Variants in ALCAM observed in about 807,000 individuals in gnomAD.
ALCAM encodes CD166 antigen.
In ALCAM, 30 loss-of-function variants were observed where a neutral mutation model predicts 70.9. The observed-to-expected ratio is 0.42, with a 90% CI of 0.32 to 0.57. The LOEUF is 0.57. Ranked by LOEUF, ALCAM falls within the 20% of genes least tolerant of loss-of-function variation. The pLI is 0.11. For missense variants in ALCAM, 591 were observed against 695.1 expected (o/e 0.85, Z 1.68); for synonymous variants, 249 against 242.5 (o/e 1.03, Z -0.25).
chr3:105,418,196 T>A (rs1936555166), intron 1 of ALCAM, among the ~76,000 whole-genome samples: 2 of 151,836 alleles, frequency 1.3e-5, no homozygotes, highest in Admixed American at 1.3e-4. Flanking sequence ...TTTTAAAATG[T>A]CTCTTACTTG....
At chr3:105,451,094 T>G (rs1470618420) in intron 1 of ALCAM, among the ~76,000 whole-genome samples, 1 of 127,862 alleles carries the variant, frequency 7.8e-6, no homozygotes, top group Non-Finnish European at 1.7e-5. Context: ...AAGAAGTAAG[T>G]AAACAAAATA....
chr3:105,401,645 T>C (rs1051873451), intron 1 of ALCAM, among the ~76,000 whole-genome samples: 1 of 152,196 alleles, frequency 6.6e-6, no homozygotes, highest in Non-Finnish European at 1.5e-5. Context: ...TTGTTTTAAA[T>C]CATTCTGACT....
chr3:105,480,604 G>A (rs986622459), intron 1 of ALCAM, among the ~76,000 whole-genome samples: 1 of 152,164 alleles, frequency 6.6e-6, no homozygotes, highest in Admixed American at 6.5e-5. Context: ...CACCATGGCA[G>A]TCATCTGGAA....
At chr3:105,534,407 A>G (rs1939918157) in intron 5 of ALCAM, among the ~76,000 whole-genome samples, 1 of 152,188 alleles carries the variant, frequency 6.6e-6, no homozygotes, top group Non-Finnish European at 1.5e-5. Context: ...AATCAAGAGC[A>G]GAGGAAATAA....
intron 1 of ALCAM, 47 bp downstream of exon 1, chr3:105,367,528 C>T: frequency 6.2e-7 from 1 of 1,606,390 alleles, no homozygotes. Context: ...GGGCCTGGAG[C>T]AGTTTCCTAG....
chr3:105,485,289 A>T (rs1390395588), intron 1 of ALCAM, among the ~76,000 whole-genome samples: 1 of 152,052 alleles, frequency 6.6e-6, no homozygotes, highest in East Asian at 1.9e-4. Context: ...CAGCATTGAT[A>T]TACATTTGGA....
At chr3:105,468,682 C>T (rs1410685313) in intron 1 of ALCAM, among the ~76,000 whole-genome samples, 2 of 151,194 alleles carry the variant, frequency 1.3e-5, no homozygotes, top group African/African-American at 4.8e-5. Flanking sequence ...TGCGCAGGTC[C>T]ATATGCAATG....
intron 1 of ALCAM, among the ~76,000 whole-genome samples, chr3:105,445,316 T>TA (rs773149375): frequency 6.6e-6 from 1 of 151,940 alleles, no homozygotes; most frequent in Non-Finnish European, 1.5e-5. Flanking sequence ...AAAACATTGA[T>TA]AAAAAAACTG....
chr3:105,567,679 G>A (rs906934965), intron 14 of ALCAM, among the ~76,000 whole-genome samples: 2 of 151,908 alleles, frequency 1.3e-5, no homozygotes, highest in Non-Finnish European at 2.9e-5. Context: ...CTCTCTCATT[G>A]TTACCAAATT....
intron 1 of ALCAM, among the ~76,000 whole-genome samples, chr3:105,444,069 A>G (rs548531772): frequency 1.3e-5 from 2 of 152,338 alleles, no homozygotes; most frequent in East Asian, 3.9e-4. Context: ...TGGTATGTCC[A>G]TCATAGAGCA....
At chr3:105,547,073 G>A in intron 9 of ALCAM, 76 bp from the exon 10 acceptor site, 15 of 1,235,244 alleles carry the variant, frequency 1.2e-5, no homozygotes, top group Admixed American at 2.8e-5. Context: ...ATTGTTTTAG[G>A]CTTAATTATT....
intron 1 of ALCAM, among the ~76,000 whole-genome samples, chr3:105,413,138 C>A (rs577803073): frequency 6.6e-6 from 1 of 152,160 alleles, no homozygotes; most frequent in South Asian, 2.1e-4. Context: ...TTAGTAACAT[C>A]TCTAAGTTCT....
intron 1 of ALCAM, among the ~76,000 whole-genome samples, chr3:105,469,977 A>AT: frequency 6.6e-6 from 1 of 150,610 alleles, no homozygotes; most frequent in South Asian, 2.1e-4. Flanking sequence ...TTCTTACCTC[A>AT]TAGGGGCATT....
chr3:105,509,204 A>G (rs151303824), intron 1 of ALCAM, among the ~76,000 whole-genome samples: 20 of 152,038 alleles, frequency 1.3e-4, no homozygotes, highest in African/African-American at 3.6e-4. Context: ...CTCAGTATTG[A>G]TTCCTTTCTT....
At chr3:105,563,230 T>G (rs1940665803) in intron 14 of ALCAM, among the ~76,000 whole-genome samples, 1 of 151,896 alleles carries the variant, frequency 6.6e-6, no homozygotes, top group African/African-American at 2.4e-5. Context: ...CCGGTAGAAT[T>G]TTTTATCCCT....
rs530691340 is a variant in ALCAM at position 105,448,949 on chromosome 3, A to C, written c.74-71118A>C. 4.0e-4 allele frequency among the ~76,000 whole-genome samples: 61 copies of C among 152,244 alleles called. 1 individual carries two copies. Among genetic ancestry groups the C allele is most frequent in the African/African-American group, 1.4e-3 (60 of 41,528 alleles). On this transcript the variant is annotated intron_variant, in intron 1 of 15. Transcript: ENST00000306107. Reference sequence around the variant, plus strand: ...GCAAAAGGGAAACAGCTTGAGTATAAATGAACTGCTTTTAGGCTCTTTGAA... The same window carrying C: ...GCAAAAGGGAAACAGCTTGAGTATACATGAACTGCTTTTAGGCTCTTTGAA...
chr3:105,369,829 A>T (rs1362906480), intron 1 of ALCAM, among the ~76,000 whole-genome samples: 1 of 152,102 alleles, frequency 6.6e-6, no homozygotes, highest in East Asian at 1.9e-4. Flanking sequence ...GTGCCACGTT[A>T]CCTGTTTTGA....
intron 9 of ALCAM, among the ~76,000 whole-genome samples, chr3:105,546,027 G>T (rs1319567201): frequency 6.6e-6 from 1 of 151,374 alleles, no homozygotes; most frequent in Admixed American, 6.6e-5. Context: ...TGAAATGTAG[G>T]CCATTGGCTA....
chr3:105,503,347 C>T (rs1938975547), intron 1 of ALCAM, among the ~76,000 whole-genome samples: 1 of 152,206 alleles, frequency 6.6e-6, no homozygotes, highest in South Asian at 2.1e-4. Flanking sequence ...TTGGTATTAG[C>T]TGTTTTTCAT....
Sources: gnomAD v4.1 joint callset for allele counts (sites outside exome capture counted in the v4.1 genomes callset) on GRCh38, gnomAD v4.1.1 for gene constraint, MANE v1.5 for transcripts, NCBI Gene and HGNC (gene_info 2026-07-23, HGNC 2026-07-21) for gene names.